Variants in ZNF568 observed in about 807,000 individuals in gnomAD.
The protein encoded by ZNF568 is zinc finger protein 568, also known as p53 inhibitor of SCO2 activation.
Under a neutral mutation model 18.1 loss-of-function variants are expected in ZNF568, and 11 were observed. The observed-to-expected ratio is 0.61, with a 90% CI of 0.38 to 1.00. The LOEUF (loss-of-function observed/expected upper bound fraction) is 1.00. Among genes scored for constraint, ZNF568 ranks in the 50% least tolerant of loss-of-function variants. ZNF568 has a pLI of 0.01. For synonymous variants in ZNF568, 213 were observed against 246.6 expected, an observed-to-expected ratio of 0.86 and a Z score of 1.28; for missense variants, 639 against 768.2, an observed-to-expected ratio of 0.83 and a Z score of 1.99.
chr19:36,922,880 G>A (rs1211530170), intron 3 of ZNF568, 34 bp downstream of exon 3: 2 of 1,595,578 alleles, frequency 1.3e-6, no homozygotes, highest in Non-Finnish European at 1.7e-6. Flanking sequence ...GAGCTTAGGA[G>A]AGAAAGGCTC....
intron 2 of ZNF568, among the ~76,000 whole-genome samples, chr19:36,988,647 T>C (rs1325302994): frequency 6.6e-6 from 1 of 152,082 alleles, no homozygotes; most frequent in Non-Finnish European, 1.5e-5. Flanking sequence ...AGGCCCTCCC[T>C]CCAACATCAG....
intron 4 of ZNF568, among the ~76,000 whole-genome samples, chr19:36,928,496 C>T (rs1372893258): frequency 6.6e-6 from 1 of 152,126 alleles, no homozygotes; most frequent in Non-Finnish European, 1.5e-5. Context: ...TAGGCACTTT[C>T]CTACTAGTCA....
chr19:36,986,628 TC>T (rs1568408116), intron 2 of ZNF568, among the ~76,000 whole-genome samples: 1 of 152,034 alleles, frequency 6.6e-6, no homozygotes, highest in African/African-American at 2.4e-5. Flanking sequence ...TTTCTTTTTT[TC>T]CCCCCTCCGT....
At chr19:36,974,980 C>T (rs1179524618) in intron 7 of ZNF568, among the ~76,000 whole-genome samples, 2 of 151,386 alleles carry the variant, frequency 1.3e-5, no homozygotes, top group South Asian at 2.1e-4. Context: ...GCACACACCA[C>T]CACGCCCAGC....
intron 4 of ZNF568, among the ~76,000 whole-genome samples, chr19:36,927,545 A>G (rs2073576158): frequency 6.6e-6 from 1 of 151,866 alleles, no homozygotes; most frequent in South Asian, 2.1e-4. Flanking sequence ...ATTTGTCTAC[A>G]TTTATATCAG....
At chr19:36,997,417 A>G, downstream of ZNF568, 1 of 1,586,248 alleles carries the variant, frequency 6.3e-7, no homozygotes, top group Non-Finnish European at 8.6e-7. Flanking sequence ...TACTTGTAGC[A>G]CAGAACTTGT....
chr19:36,937,310 C>A, intron 6 of ZNF568, 68 bp downstream of exon 6: 1 of 1,327,960 alleles, frequency 7.5e-7, no homozygotes, highest in Non-Finnish European at 1.1e-6. Context: ...GGGTTGATAT[C>A]ATTTCACAAT....
chr19:36,980,956 C>T (rs934980945), downstream of ZNF568, among the ~76,000 whole-genome samples: 3 of 152,172 alleles, frequency 2.0e-5, no homozygotes, highest in African/African-American at 7.2e-5. Context: ...AACTAACAGA[C>T]GTGGTCTTAG....
At chr19:36,991,887 G>T (rs752300713) in intron 4 of ZNF568, 1 of 1,495,808 alleles carries the variant, frequency 6.7e-7, no homozygotes, top group East Asian at 2.4e-5. Context: ...CATAGCAGGT[G>T]GTCACTTAGC....
intron 4 of ZNF568, among the ~76,000 whole-genome samples, chr19:36,994,519 AT>A (rs1453726433): frequency 6.6e-6 from 1 of 152,258 alleles, no homozygotes; most frequent in East Asian, 1.9e-4. Context: ...GAAGTCTTCA[AT>A]TTGTTCAATT....
chr19:36,991,978 G>A (rs1414862919), intron 4 of ZNF568: 2 of 668,874 alleles, frequency 3.0e-6, no homozygotes, highest in East Asian at 6.0e-5. Context: ...AAGAAAGTAA[G>A]GATGTTGTAA....
intron 4 of ZNF568, among the ~76,000 whole-genome samples, chr19:36,932,548 C>G (rs2073705261): frequency 6.6e-6 from 1 of 152,124 alleles, no homozygotes; most frequent in African/African-American, 2.4e-5. Context: ...CAAGACCACA[C>G]ACCATTGCAC....
At chr19:36,926,406 C>A (rs1040950818) in intron 4 of ZNF568, among the ~76,000 whole-genome samples, 1 of 152,048 alleles carries the variant, frequency 6.6e-6, no homozygotes, top group Admixed American at 6.5e-5. Context: ...CTTCTGTTGG[C>A]GCGGTGGCCC....
chr19:36,959,710 T>C (rs2074133644), intron 6 of ZNF568, among the ~76,000 whole-genome samples: 1 of 152,168 alleles, frequency 6.6e-6, no homozygotes, highest in African/African-American at 2.4e-5. Flanking sequence ...AGATTTTATA[T>C]TTCCTCGTCA....
At chr19:36,929,478 G>A (rs2073644010) in intron 4 of ZNF568, among the ~76,000 whole-genome samples, 2 of 152,034 alleles carry the variant, frequency 1.3e-5, no homozygotes, top group Admixed American at 1.3e-4. Context: ...GAGGTCAGAA[G>A]ATCGAGAGCA....
intron 6 of ZNF568, among the ~76,000 whole-genome samples, chr19:36,962,625 GC>G (rs1321736774): frequency 6.6e-6 from 1 of 152,104 alleles, no homozygotes; most frequent in East Asian, 1.9e-4. Flanking sequence ...ACAGGTGTGA[GC>G]CACCACACCC....
chr19:36,976,685 C>T (rs528034747), intron 7 of ZNF568, among the ~76,000 whole-genome samples: 7 of 152,108 alleles, frequency 4.6e-5, no homozygotes, highest in African/African-American at 1.2e-4. Flanking sequence ...CCAAGGCGGG[C>T]GGATCACCTG....
rs779841648 is a variant in ZNF568, at chr19:36,950,000, T to C, written c.847T>C (p.Cys283Arg). Residue 283 changes from cysteine (C) to arginine (R), a missense_variant, in exon 7 of 7, where the codon TGT becomes CGT. Cys to Arg is a radical substitution (Grantham distance 180). Coordinates refer to ENST00000333987, the MANE Select transcript of ZNF568 (RefSeq NM_198539.4). ...GGAAAAACCGTATAAGTGTAATGAATGTGGAAAAGCTTTCATTCAGATGTC... is the reference window on the plus strand; with the variant it reads ...GGAAAAACCGTATAAGTGTAATGAACGTGGAAAAGCTTTCATTCAGATGTC... Reference protein sequence around the residue: ...TGEKPYKCNECGKAFIQMSNL... With the variant: ...TGEKPYKCNERGKAFIQMSNL... 2 of 1,613,848 alleles carry C rather than the reference T, an allele frequency of 1.2e-6. No individual in the cohort carries two copies. The highest frequency in any genetic ancestry group is 1.1e-5 in the South Asian group (1 of 91,070).
In ZNF568 at chr19:36,949,815, C is replaced by T; in HGVS notation, c.662C>T (p.Pro221Leu). The change falls in exon 7 of 7, where the codon CCC (proline) becomes CTC (leucine). Residue 221 changes from proline to leucine, a missense_variant. Pro to Leu is a moderately conservative substitution (Grantham distance 98). Coordinates refer to ENST00000333987, the MANE Select transcript of ZNF568 (RefSeq NM_198539.4). ...CATTGTGCATCCTATGTTGTAACCC[C>T]CTTTAAGTGTAATCAGTGTGGACAA... ...FYHCASYVVT[P>L]FKCNQCGQDF... is the part of the protein sequence containing the mutation. 6.2e-7 allele frequency: 1 copy of T among 1,613,926 alleles called. No individual in the cohort carries two copies. The highest frequency in any genetic ancestry group is 8.5e-7 in the Non-Finnish European group (1 of 1,179,926).
Sources: gnomAD v4.1 joint callset for allele counts (sites outside exome capture counted in the v4.1 genomes callset) on GRCh38, gnomAD v4.1.1 for gene constraint, MANE v1.5 for transcripts, NCBI Gene and HGNC (gene_info 2026-07-23, HGNC 2026-07-21) for gene names.